LRBA: variants seen among roughly 807,000 people sequenced by gnomAD.
LRBA encodes LPS responsive beige-like anchor protein.
A neutral mutation model predicts 330.0 loss-of-function variants in LRBA; 176 were observed. The ratio of observed to expected loss-of-function variants is 0.53; its 90% CI spans 0.47 to 0.60. The LOEUF (loss-of-function observed/expected upper bound fraction) is 0.60, where lower values mean the gene tolerates loss of function less well. Ranked by LOEUF, LRBA falls within the 20% of genes least tolerant of loss-of-function variation. The pLI, the probability that LRBA is intolerant of heterozygous loss-of-function variation, is 0.00. For synonymous variants in LRBA, 1,230 were observed against 1,193.0 expected (o/e 1.03, Z -0.64); for missense variants, 3,259 against 3,444.8 (o/e 0.95, Z 1.35).
Position 150,734,402 on chromosome 4 carries a change from G to A in LRBA, c.5754+856C>T, listed in dbSNP as rs1263601241. ...GTACTTATATTCTTAAGTGAAATTG[G>A]TCTTCTAGAGTTTTATTTTTCTAGA... On this transcript the variant is annotated intron_variant, in intron 36 of 56. Coordinates refer to ENST00000651943, the MANE Select transcript of LRBA (RefSeq NM_001364905.1). Among the ~76,000 whole-genome samples the A allele has an allele frequency of 2.0e-5, 3 of 151,954 alleles. No individual in the cohort carries two copies. The East Asian group carries it at 5.8e-4, about 29-fold the overall frequency.
chr4:150,389,347 C>T lies in LRBA; in HGVS notation c.7194+26091G>A, dbSNP rs113832159. Among the ~76,000 whole-genome samples, 231 of 148,576 alleles carry T rather than the reference C, an allele frequency of 1.6e-3. 4 individuals are homozygous for T. The highest frequency in any genetic ancestry group is 5.9e-3 in the African/African-American group (226 of 38,302). On this transcript the variant is annotated intron_variant, in intron 47 of 56. Coordinates refer to ENST00000651943, the MANE Select transcript of LRBA (RefSeq NM_001364905.1). ...CCAGCCTGAACAACAGAGTGAGACT[C>T]AGTCTCTAAATAAATAAATAAATAA...
intron 40 of LRBA, among the ~76,000 whole-genome samples, chr4:150,556,513 T>G (rs950856572): frequency 2.0e-5 from 3 of 152,226 alleles, no homozygotes; most frequent in African/African-American, 4.8e-5. Context: ...ATTATATACA[T>G]AGTTACACAG....
rs151098394 is a variant in LRBA at position 150,867,763 on chromosome 4, C to T, written c.2674G>A (p.Ala892Thr). The change falls in exon 22 of 57, where the codon GCC (alanine) becomes ACC (threonine). Residue 892 changes from alanine to threonine, a missense_variant. Transcript: ENST00000651943. Reference sequence around the variant, plus strand: ...TGGTAAAGCAGGATTCTGAATATGGCGTATACCATTTCTGTTATCTTTTGC... The same window carrying T: ...TGGTAAAGCAGGATTCTGAATATGGTGTATACCATTTCTGTTATCTTTTGC... ...DEQKITEMVYAIFRILLYHAV... is the reference protein window; with the variant it reads ...DEQKITEMVYTIFRILLYHAV... 8.9e-4 allele frequency: 1,438 copies of T among 1,613,450 alleles called. 8 individuals carry two copies. In the African/African-American group the frequency reaches 0.014, roughly 15 times the overall value.
intron 36 of LRBA, among the ~76,000 whole-genome samples, chr4:150,701,073 A>T (rs576288778): frequency 6.6e-6 from 1 of 151,950 alleles, no homozygotes; most frequent in Admixed American, 6.6e-5. Flanking sequence ...TTCAAATTTC[A>T]TTTTTTCAAT....
At chr4:150,364,632 C>A (rs796948513) in intron 47 of LRBA, among the ~76,000 whole-genome samples, 4 of 152,298 alleles carry the variant, frequency 2.6e-5, no homozygotes, top group African/African-American at 7.2e-5. Flanking sequence ...TATACTAAAT[C>A]TGGTGTGCCA....
At position 150,642,920 on chromosome 4, in the gene LRBA, T is replaced by TTA. The variant is rs1778815399; in HGVS notation, c.5921+40629_5921+40630dup. 3.9e-5 allele frequency among the ~76,000 whole-genome samples: 6 copies of TTA among 152,002 alleles called. 1 individual carries two copies. The South Asian group carries it at 1.2e-3, about 31-fold the overall frequency. ...AGCATTGGAATAGAAAAATGTAATG[T>TTA]TATATTCGCATCATTATTGAAATGT... On this transcript the variant is annotated intron_variant, in intron 37 of 56. Transcript: ENST00000651943.
At chr4:150,860,932 G>A (rs994029240) in intron 22 of LRBA, among the ~76,000 whole-genome samples, 5 of 152,108 alleles carry the variant, frequency 3.3e-5, no homozygotes, top group African/African-American at 9.7e-5. Context: ...ACACCATAGA[G>A]TGTACTTAAG....
intron 36 of LRBA, among the ~76,000 whole-genome samples, chr4:150,685,387 A>AATATATATATATTATAT (rs1783455160): frequency 8.1e-5 from 1 of 12,336 alleles, no homozygotes; most frequent in Non-Finnish European, 1.3e-4. Flanking sequence ...TAAGGAATCA[A>AATATATATATATTATAT]ATATATATAT....
chr4:150,843,151 G>T (rs1002850031), intron 28 of LRBA, among the ~76,000 whole-genome samples: 1 of 152,072 alleles, frequency 6.6e-6, no homozygotes, highest in Non-Finnish European at 1.5e-5. Context: ...GTGGTCTGGG[G>T]GTTGGGGACC....
chr4:150,368,213 T>C (rs1485309240), intron 47 of LRBA, among the ~76,000 whole-genome samples: 1 of 152,106 alleles, frequency 6.6e-6, no homozygotes, highest in Non-Finnish European at 1.5e-5. Flanking sequence ...AATTCACAGT[T>C]TACCTTCGGA....
At chr4:150,437,492 A>ACT (rs56695742) in intron 44 of LRBA, among the ~76,000 whole-genome samples, 11 of 147,896 alleles carry the variant, frequency 7.4e-5, no homozygotes, top group South Asian at 4.2e-4. Context: ...GCCGGCATGA[A>ACT]CTCTCTCTCT....
Position 150,442,503 on chromosome 4 carries a change from C to G in LRBA, c.6781-5639G>C, listed in dbSNP as rs1751973151. 2.6e-5 allele frequency among the ~76,000 whole-genome samples: 4 copies of G among 152,136 alleles called. No individual in the cohort carries two copies. The South Asian group carries it at 8.3e-4, about 31-fold the overall frequency. ...CTGATGACTGGCTGAAAGCCATCTG[C>G]CAATGTAATCTTCATTTGATATGAC... On this transcript the variant is annotated intron_variant, in intron 44 of 56. Transcript: ENST00000651943.
chr4:150,657,172 CAG>C (rs1392377209), intron 37 of LRBA, among the ~76,000 whole-genome samples: 1 of 152,182 alleles, frequency 6.6e-6, no homozygotes, highest in Non-Finnish European at 1.5e-5. Flanking sequence ...ATCCATAAGA[CAG>C]ACTTCCCTTA....
At chr4:150,317,363 A>G (rs1374995294) in intron 50 of LRBA, among the ~76,000 whole-genome samples, 11 of 152,158 alleles carry the variant, frequency 7.2e-5, no homozygotes. Flanking sequence ...TCCAGTTAGT[A>G]AATACCAACT....
At chr4:150,942,634 G>A (rs918152782) in intron 2 of LRBA, among the ~76,000 whole-genome samples, 2 of 152,034 alleles carry the variant, frequency 1.3e-5, no homozygotes, top group African/African-American at 4.8e-5. Flanking sequence ...AGAAGCCCTA[G>A]CAGTTTCAGC....
chr4:150,896,394 C>T lies in LRBA; in HGVS notation c.2067G>A (p.Glu689=). 1 of 1,473,526 alleles carries T rather than the reference C, an allele frequency of 6.8e-7. No homozygotes were observed. The highest frequency in any genetic ancestry group is 9.4e-7 in the Non-Finnish European group (1 of 1,068,142). 91.3% of individuals were successfully genotyped at this position (1,473,526 alleles called of 1,614,324 possible). The change falls in exon 16 of 57, where the codon GAG becomes GAA. Residue 689 remains glutamate, a splice_region_variant and synonymous_variant. Coordinates refer to ENST00000651943, the MANE Select transcript of LRBA (RefSeq NM_001364905.1). ...AILNYLLTMH[E]DDNLMDVLQL... The stretch of plus-strand genomic sequence containing the variant: ...TCAAAATATAAAATTCATATATTAC[C>T]TCATGCATAGTCAGTAGGTAATTAA...
intron 46 of LRBA, among the ~76,000 whole-genome samples, chr4:150,432,058 C>A (rs62348579): frequency 0.22 from 33,049 of 151,928 alleles, 4,413 homozygotes; most frequent in Non-Finnish European, 0.31. Context: ...TTAAGATATT[C>A]AAGTAACAGC....
Position 150,828,922 on chromosome 4 carries a change from G to GTGTGTGT in LRBA, c.4730-302_4730-301insACACACA, listed in dbSNP as rs1560878315. On this transcript the variant is annotated intron_variant, in intron 29 of 56. Coordinates refer to ENST00000651943, the MANE Select transcript of LRBA (RefSeq NM_001364905.1). ...GAAAAAGTCTATAATCTTTTTTGGGGGTGTGTGTGTGTGTGTGTGTGTGTG... is the reference window on the plus strand; with the variant it reads ...GAAAAAGTCTATAATCTTTTTTGGGGTGTGTGTGTGTGTGTGTGTGTGTGTGTGTGTG... 9.0e-3 allele frequency among the ~76,000 whole-genome samples: 957 copies of GTGTGTGT among 106,224 alleles called. 13 individuals carry two copies. Among genetic ancestry groups the GTGTGTGT allele is most frequent in the East Asian group, 0.014 (53 of 3,732 alleles). 69.7% of individuals were successfully genotyped at this position (106,224 alleles called of 152,430 possible).
intron 47 of LRBA, among the ~76,000 whole-genome samples, chr4:150,382,264 G>A (rs993456160): frequency 1.3e-5 from 2 of 152,120 alleles, no homozygotes; most frequent in African/African-American, 4.8e-5. Context: ...ATCATTAGCA[G>A]GAGAGTAGCC....
Sources: gnomAD v4.1 joint callset for allele counts (sites outside exome capture counted in the v4.1 genomes callset) on GRCh38, gnomAD v4.1.1 for gene constraint, MANE v1.5 for transcripts, NCBI Gene and HGNC (gene_info 2026-07-23, HGNC 2026-07-21) for gene names.